Variants in KIF3A observed in about 807,000 individuals in gnomAD.
KIF3A encodes the protein kinesin family member 3A, also known as kinesin-like protein KIF3A.
KIF3A carries 27 observed loss-of-function variants against 92.6 expected under a neutral mutation model. The observed-to-expected ratio is 0.29, with a 90% CI of 0.21 to 0.40. KIF3A has a LOEUF of 0.40. KIF3A is among the 10% of genes least tolerant of loss of function. The pLI, the probability that KIF3A is intolerant of heterozygous loss-of-function variation, is 1.00. For missense variants in KIF3A, 581 were observed against 872.6 expected (o/e 0.67, Z 4.21); for synonymous variants, 250 against 275.4 (o/e 0.91, Z 0.92).
downstream of KIF3A, among the ~76,000 whole-genome samples, chr5:132,690,212 T>A (rs11242124): frequency 0.52 from 79,346 of 151,360 alleles, 25,804 homozygotes; most frequent in Non-Finnish European, 0.74. Context: ...TGAGACTCTG[T>A]CTCAAAAAAT....
intron 2 of KIF3A, among the ~76,000 whole-genome samples, chr5:132,733,185 G>A (rs1365277512): frequency 6.6e-6 from 1 of 152,080 alleles, no homozygotes; most frequent in Non-Finnish European, 1.5e-5. Context: ...GAAATGTTCT[G>A]GAAACAGACA....
At chr5:132,727,097 A>G (rs983417387) in intron 2 of KIF3A, among the ~76,000 whole-genome samples, 1 of 152,242 alleles carries the variant, frequency 6.6e-6, no homozygotes, top group African/African-American at 2.4e-5. Context: ...GTGTTTTTAA[A>G]CAATTGTTTT....
At chr5:132,708,846 G>T in intron 10 of KIF3A, 61 bp downstream of exon 10, 1 of 1,122,428 alleles carries the variant, frequency 8.9e-7, no homozygotes, top group Non-Finnish European at 1.3e-6. Context: ...TTGCTCAAAT[G>T]AAGCCCATGG....
Position 132,734,236 on chromosome 5 carries a change from A to T in KIF3A, c.249T>A (p.Pro83=). The T allele has an allele frequency of 6.2e-7, 1 of 1,613,646 alleles. No homozygotes were observed. Among genetic ancestry groups the T allele is most frequent in the Non-Finnish European group, 8.5e-7 (1 of 1,179,692 alleles). ...QLDVYNLTAR[P]IIDSVLEGYN... is the part of the protein sequence containing the mutation. ...AGCCTTCAAGTACAGAATCAATAAT[A>T]GGTCTTGCAGTTAAGTTATAAACAT... Residue 83 remains proline (P), a synonymous_variant, in exon 2 of 19, where the codon CCT becomes CCA. Transcript: ENST00000403231.
chr5:132,715,896 A>C lies in KIF3A; in HGVS notation c.990T>G (p.Asp330Glu), dbSNP rs763567591. The C allele has an allele frequency of 6.2e-7, 1 of 1,601,458 alleles. No individual in the cohort carries two copies. Among genetic ancestry groups the C allele is most frequent in the Admixed American group, 1.7e-5 (1 of 57,658 alleles). Residue 330 changes from aspartate to glutamate, a missense_variant, in exon 8 of 19, where the codon GAT becomes GAG. Physicochemically the swap from Asp to Glu is conservative, Grantham distance 45 (BLOSUM62 2). This residue lies in a region of KIF3A where 167 missense variants were observed against 205.8 expected (regional missense o/e 0.81). Transcript: ENST00000403231. Reference protein sequence around the residue: ...ANIGPADYNYDETISTLRYAN... With the variant: ...ANIGPADYNYEETISTLRYAN... Reference sequence around the variant, plus strand: ...CATACCGTAATGTACTGATAGTTTCATCATAATTGTAATCTGCTGGCCCAA... The same window carrying C: ...CATACCGTAATGTACTGATAGTTTCCTCATAATTGTAATCTGCTGGCCCAA...
chr5:132,737,253 G>A (rs1290489210), intron 1 of KIF3A, among the ~76,000 whole-genome samples, 161 bp downstream of exon 1: 1 of 152,162 alleles, frequency 6.6e-6, no homozygotes, highest in Non-Finnish European at 1.5e-5. Flanking sequence ...CGGCCCCGGG[G>A]CTGACCAGCC....
intron 1 of KIF3A, among the ~76,000 whole-genome samples, chr5:132,736,527 G>A (rs1436939615): frequency 6.6e-6 from 1 of 152,198 alleles, no homozygotes; most frequent in Non-Finnish European, 1.5e-5. Flanking sequence ...CCTGACTGGT[G>A]TTGCTCAATG....
chr5:132,730,960 G>C (rs57276537), intron 2 of KIF3A, among the ~76,000 whole-genome samples: 48,294 of 151,960 alleles, frequency 0.32, 10,655 homozygotes, highest in East Asian at 0.75. Flanking sequence ...AACAGAGTGA[G>C]ACCCTGATTT....
chr5:132,697,178 C>T (rs1202808255), intron 18 of KIF3A, among the ~76,000 whole-genome samples: 1 of 152,176 alleles, frequency 6.6e-6, no homozygotes, highest in African/African-American at 2.4e-5. Context: ...TAACAAGGAA[C>T]ATCACATTGA....
At chr5:132,702,295 A>G in intron 14 of KIF3A, 83 bp from the exon 15 acceptor site, 1 of 1,388,464 alleles carries the variant, frequency 7.2e-7, no homozygotes, top group Non-Finnish European at 1.0e-6. Context: ...ATGCTTGTCT[A>G]AGAAACCTTG....
chr5:132,700,740 A>AGATGT, intron 15 of KIF3A, 40 bp from the exon 16 acceptor site: 1 of 1,279,930 alleles, frequency 7.8e-7, no homozygotes, highest in Non-Finnish European at 1.1e-6. Context: ...TTAATATTTA[A>AGATGT]TAACATCTAA....
chr5:132,725,386 C>T (rs1212591709), intron 4 of KIF3A, among the ~76,000 whole-genome samples: 2 of 152,114 alleles, frequency 1.3e-5, no homozygotes, highest in African/African-American at 2.4e-5. Flanking sequence ...TTGATTTAAA[C>T]ACTTTCATCT....
intron 3 of KIF3A, 63 bp downstream of exon 3, chr5:132,726,291 A>T (rs1754030781): frequency 6.4e-7 from 1 of 1,569,240 alleles, no homozygotes; most frequent in Admixed American, 1.7e-5. Context: ...TAAAATTTAT[A>T]CCTATGTGCC....
chr5:132,703,384 T>C (rs1360591118), intron 12 of KIF3A, 79 bp downstream of exon 12: 3 of 1,269,234 alleles, frequency 2.4e-6, no homozygotes, highest in Non-Finnish European at 3.3e-6. Context: ...TTAATTACTA[T>C]TCAATTTTCC....
At chr5:132,709,997 T>C (rs1429186544) in intron 9 of KIF3A, among the ~76,000 whole-genome samples, 2 of 152,212 alleles carry the variant, frequency 1.3e-5, no homozygotes, top group Non-Finnish European at 2.9e-5. Context: ...AAACAAAATA[T>C]GCACCAGCTT....
intron 2 of KIF3A, among the ~76,000 whole-genome samples, chr5:132,728,807 T>C (rs2149919320): frequency 6.6e-6 from 1 of 152,124 alleles, no homozygotes; most frequent in African/African-American, 2.4e-5. Context: ...GTGCCGTGGC[T>C]CCTGCTATAG....
At chr5:132,709,474 T>A (rs1162472160) in intron 9 of KIF3A, among the ~76,000 whole-genome samples, 2 of 152,230 alleles carry the variant, frequency 1.3e-5, no homozygotes, top group Non-Finnish European at 2.9e-5. Flanking sequence ...TCAAATATGT[T>A]TAAGGTTTGA....
intron 1 of KIF3A, among the ~76,000 whole-genome samples, chr5:132,736,591 A>G (rs1359383005): frequency 1.3e-5 from 2 of 152,332 alleles, no homozygotes; most frequent in East Asian, 3.9e-4. Context: ...CTGAATTAAA[A>G]CTTGAAAGCA....
At chr5:132,727,247 T>C (rs1049267608) in intron 2 of KIF3A, among the ~76,000 whole-genome samples, 2 of 152,220 alleles carry the variant, frequency 1.3e-5, no homozygotes, top group Admixed American at 6.5e-5. Flanking sequence ...GAGTTTGGCA[T>C]TGTGCTAGGC....
Sources: allele counts gnomAD v4.1 joint callset (sites outside exome capture counted in the v4.1 genomes callset), GRCh38; gene constraint gnomAD v4.1.1; regional missense constraint gnomAD v4.1.1; transcripts MANE v1.5; gene names NCBI Gene and HGNC (gene_info 2026-07-23, HGNC 2026-07-21).